ACSM3: variants seen among roughly 807,000 people sequenced by gnomAD.
ACSM3 encodes the protein acyl-CoA synthetase medium chain family member 3, also known as acyl-coenzyme A synthetase ACSM3, mitochondrial.
A neutral mutation model predicts 74.1 loss-of-function variants in ACSM3; 61 were observed. The ratio of observed to expected loss-of-function variants is 0.82; its 90% CI spans 0.67 to 1.02. ACSM3 has a LOEUF of 1.02. Ranked by LOEUF, ACSM3 falls within the 50% of genes least tolerant of loss-of-function variation. The pLI is 0.00. For synonymous variants in ACSM3, 213 were observed against 241.5 expected (o/e 0.88, Z 1.09); for missense variants, 660 against 697.0 (o/e 0.95, Z 0.60).
At chr16:20,675,593 A>G (rs12928747) in intron 1 of ACSM3, among the ~76,000 whole-genome samples, 19,164 of 152,216 alleles carry the variant, frequency 0.13, 1,457 homozygotes, top group African/African-American at 0.21. Flanking sequence ...ATTTTTAAAA[A>G]GGATTTAGAG....
chr16:20,779,737 G>C (rs899175820), intron 4 of ACSM3: 7 of 155,836 alleles, frequency 4.5e-5, no homozygotes, highest in Admixed American at 3.9e-4. Flanking sequence ...TCTCTTGTGG[G>C]AAACAGAAAA....
chr16:20,686,215 T>A (rs79563415), intron 1 of ACSM3, among the ~76,000 whole-genome samples: 4,765 of 152,056 alleles, frequency 0.031, 249 homozygotes, highest in African/African-American at 0.11. Context: ...TTGAAAAAAA[T>A]TTTTTTAATT....
intron 1 of ACSM3, chr16:20,741,477 G>C: frequency 7.3e-7 from 1 of 1,378,122 alleles, no homozygotes; most frequent in African/African-American, 1.5e-5. Flanking sequence ...AGGCCTGGCA[G>C]CCGGCCCGCC....
At chr16:20,742,958 T>G (rs2079941509) in intron 1 of ACSM3, among the ~76,000 whole-genome samples, 1 of 145,870 alleles carries the variant, frequency 6.9e-6, no homozygotes, top group Admixed American at 6.7e-5. Flanking sequence ...TTTTTTTTTT[T>G]GAGATGGAGT....
chr16:20,680,387 C>A (rs1243249395), intron 1 of ACSM3: 2 of 152,214 alleles, frequency 1.3e-5, no homozygotes, highest in East Asian at 1.9e-4. Flanking sequence ...GAGCTTCCCC[C>A]ACCAACCAAA....
chr16:20,767,110 C>G (rs970662614), intron 1 of ACSM3, among the ~76,000 whole-genome samples: 1 of 151,830 alleles, frequency 6.6e-6, no homozygotes, highest in African/African-American at 2.4e-5. Flanking sequence ...AAATTAAAAA[C>G]AGAGAGAGAC....
At chr16:20,741,428 A>C in intron 1 of ACSM3, 1 of 1,444,546 alleles carries the variant, frequency 6.9e-7, no homozygotes, top group Non-Finnish European at 9.1e-7. Context: ...GCGCATGCCC[A>C]TACCAGCAGC....
intron 1 of ACSM3, among the ~76,000 whole-genome samples, chr16:20,740,911 T>C (rs2079912707): frequency 1.3e-5 from 2 of 152,214 alleles, no homozygotes. Context: ...GAGGCTGTCA[T>C]GAAAAATGTG....
Position 20,713,924 on chromosome 16 carries a change from G to A in ACSM3, c.-189-35986G>A, listed in dbSNP as rs192787317. Among the ~76,000 whole-genome samples the A allele has an allele frequency of 4.6e-3, 697 of 152,148 alleles. 5 individuals are homozygous for A. Among genetic ancestry groups the A allele is most frequent in the African/African-American group, 0.015 (637 of 41,522 alleles). On this transcript the variant is annotated intron_variant, in intron 1 of 3. Coordinates refer to the ACSM3 transcript ENST00000561584. ...GCTAGTTTTTCAGAAGACTACACACGGCAATAATGTGGGCTAATTTTACAC... is the reference window on the plus strand; with the variant it reads ...GCTAGTTTTTCAGAAGACTACACACAGCAATAATGTGGGCTAATTTTACAC...
intron 1 of ACSM3, chr16:20,733,015 A>G (rs918436993): frequency 1.3e-5 from 2 of 154,082 alleles, no homozygotes; most frequent in African/African-American, 4.8e-5. Flanking sequence ...TGAAGGGTTA[A>G]GTAGTAATAT....
In ACSM3 at chr16:20,724,512, G is replaced by A. The variant is rs561831107; in HGVS notation, c.-189-25398G>A. Among the ~76,000 whole-genome samples, 59 of 152,274 alleles carry A rather than the reference G, an allele frequency of 3.9e-4. No homozygotes were observed. In the Middle Eastern group the frequency reaches 0.01, roughly 26 times the overall value. ...TCTTACCACTCCTATTCAACATAGC[G>A]TTGGAAGTTCTGGCCAGGGCAATCA... On this transcript the variant is annotated intron_variant, in intron 1 of 3. Coordinates refer to the ACSM3 transcript ENST00000561584.
intron 2 of ACSM3, among the ~76,000 whole-genome samples, chr16:20,774,416 T>C (rs2080230680): frequency 1.3e-5 from 2 of 152,190 alleles, no homozygotes; most frequent in African/African-American, 4.8e-5. Context: ...CTAATGTTTG[T>C]ATTTTTTATA....
intron 1 of ACSM3, among the ~76,000 whole-genome samples, chr16:20,725,888 G>A (rs955374480): frequency 1.3e-5 from 2 of 152,058 alleles, no homozygotes; most frequent in South Asian, 2.1e-4. Context: ...CAGGAGAATC[G>A]CTTGAACCCG....
At chr16:20,691,751 ATGTGTGTGTGTGTGTGTGTGTGTGTGTG>A (rs59929923) in intron 1 of ACSM3, among the ~76,000 whole-genome samples, 1 of 134,022 alleles carries the variant, frequency 7.5e-6, no homozygotes, top group African/African-American at 3.0e-5. Context: ...TACCTCTCCA[ATGTGTGTGTGTGTGTGTGTGTGTGTGTG>A]TGTGTGTGTG....
chr16:20,678,027 T>TAAATA (rs914459602), intron 1 of ACSM3, among the ~76,000 whole-genome samples: 2 of 151,060 alleles, frequency 1.3e-5, no homozygotes, highest in African/African-American at 4.9e-5. Flanking sequence ...AATAAATAAA[T>TAAATA]AAATAAATAA....
Position 20,797,309 on chromosome 16 carries a change from T to C in ACSM3, c.*337T>C. ...TTAGTTGACTAATTCTTCTGATATG[T>C]TGATATACAAATCAGAACCAATGTT... On this transcript the variant is annotated 3_prime_UTR_variant, in exon 14 of 14. Coordinates refer to ENST00000289416, the MANE Select transcript of ACSM3 (RefSeq NM_005622.4). The C allele has an allele frequency of 9.7e-7, 1 of 1,027,024 alleles. No individual in the cohort carries two copies. The allele number at this position is 1,027,024 out of a possible 1,614,324, so 63.6% of individuals were successfully genotyped here.
rs375891568 is a variant in ACSM3, at chr16:20,735,640, A to G, written c.-189-14270A>G. The stretch of plus-strand genomic sequence containing the variant: ...ATCAGATATGATGTCACAACATTAT[A>G]TATTGGCCTTTGTTCTGGCAGGCTC... On this transcript the variant is annotated intron_variant, in intron 1 of 3. Coordinates refer to the ACSM3 transcript ENST00000561584. 3.3e-5 allele frequency: 5 copies of G among 152,176 alleles called. No individual in the cohort carries two copies. The East Asian group carries it at 5.8e-4, about 18-fold the overall frequency. 9.4% of individuals were successfully genotyped at this position (152,176 alleles called of 1,614,324 possible).
In ACSM3 at chr16:20,688,230, G is replaced by T. The variant is rs1188634121; in HGVS notation, c.-190+13408G>T. On this transcript the variant is annotated intron_variant, in intron 1 of 3. Coordinates refer to the ACSM3 transcript ENST00000561584. ...AGAAAAAATCCATAAACATAGACAG[G>T]TCATTTAAAATTACTGAATCTGAGA... 3.3e-5 allele frequency among the ~76,000 whole-genome samples: 5 copies of T among 151,980 alleles called. No individual in the cohort carries two copies. In the East Asian group the frequency reaches 9.6e-4, roughly 29 times the overall value.
chr16:20,734,002 T>C (rs1344431775), intron 1 of ACSM3: 3 of 152,266 alleles, frequency 2.0e-5, no homozygotes, highest in African/African-American at 4.8e-5. Flanking sequence ...AAATAAACAG[T>C]TGATAAACCT....
Sources: gnomAD v4.1 joint callset for allele counts (sites outside exome capture counted in the v4.1 genomes callset) on GRCh38, gnomAD v4.1.1 for gene constraint, MANE v1.5 for transcripts, NCBI Gene and HGNC (gene_info 2026-07-23, HGNC 2026-07-21) for gene names.